The following INTS9 variants were observed in gnomAD, a reference collection of about 807,000 sequenced individuals.
INTS9 encodes the protein integrator complex subunit 9, also known as protein related to CPSF subunits of 74 kDa.
Under a neutral mutation model 79.7 loss-of-function variants are expected in INTS9, and 55 were observed. That is an observed-to-expected ratio of 0.69 (90% CI 0.56 to 0.86). The LOEUF is 0.86. Ranked by LOEUF, INTS9 falls within the 40% of genes least tolerant of loss-of-function variation. The probability of loss-of-function intolerance (pLI) is 0.00; values close to 1 mark genes in which losing one functional copy is unlikely to be tolerated. For synonymous variants in INTS9, 319 were observed against 325.2 expected (o/e 0.98, Z 0.20); for missense variants, 721 against 831.5 (o/e 0.87, Z 1.64).
intron 7 of INTS9, among the ~76,000 whole-genome samples, chr8:28,813,250 T>G (rs376619908): frequency 6.6e-5 from 10 of 152,266 alleles, no homozygotes; most frequent in Middle Eastern, 3.4e-3. Flanking sequence ...GTGAACAGGA[T>G]GAGACGCCTT....
chr8:28,889,955 C>A lies in INTS9; in HGVS notation c.-73G>T. On this transcript the variant is annotated 5_prime_UTR_variant, in exon 1 of 17. Coordinates refer to ENST00000521022, the MANE Select transcript of INTS9 (RefSeq NM_018250.4). The stretch of plus-strand genomic sequence containing the variant: ...AGGAAGCGTCTTCCGGTGCAATCTC[C>A]GCCACCTGCCAGCCGAGAGCATCGC... The A allele has an allele frequency of 8.0e-7, 1 of 1,248,990 alleles. No homozygotes were observed. Among genetic ancestry groups the A allele is most frequent in the South Asian group, 1.2e-5 (1 of 81,642 alleles). The allele number at this position is 1,248,990 out of a possible 1,614,324, so 77.4% of individuals were successfully genotyped here.
At chr8:28,859,654 C>T in intron 1 of INTS9, 91 bp from the exon 2 acceptor site, 1 of 1,378,948 alleles carries the variant, frequency 7.3e-7, no homozygotes, top group Non-Finnish European at 1.0e-6. Flanking sequence ...GATCTTCTCT[C>T]ATAAGACCAG....
chr8:28,788,607 C>T (rs986360885), intron 10 of INTS9, among the ~76,000 whole-genome samples: 4 of 152,038 alleles, frequency 2.6e-5, no homozygotes, highest in South Asian at 2.1e-4. Flanking sequence ...TTAGTAGAGA[C>T]GGGGTTTCAC....
intron 8 of INTS9, among the ~76,000 whole-genome samples, chr8:28,803,765 T>C (rs1804655367): frequency 6.6e-6 from 1 of 152,170 alleles, no homozygotes. Flanking sequence ...TCTCTGAGAT[T>C]TTTGTATTTT....
chr8:28,820,564 A>T (rs1020293121), intron 6 of INTS9, among the ~76,000 whole-genome samples: 1 of 152,190 alleles, frequency 6.6e-6, no homozygotes, highest in Non-Finnish European at 1.5e-5. Context: ...GCTGCCCTTA[A>T]CATTTTTTCC....
intron 8 of INTS9, among the ~76,000 whole-genome samples, chr8:28,803,420 G>A (rs1010830660): frequency 2.6e-5 from 4 of 152,196 alleles, no homozygotes; most frequent in Non-Finnish European, 4.4e-5. Context: ...TTGCCAATAC[G>A]TTTATGGGAT....
chr8:28,859,355 G>A, intron 2 of INTS9, 81 bp downstream of exon 2: 4 of 1,449,442 alleles, frequency 2.8e-6, no homozygotes, highest in East Asian at 2.3e-5. Flanking sequence ...AATATACTAG[G>A]TACTAGTAAC....
At chr8:28,885,862 C>T (rs966890441) in intron 1 of INTS9, among the ~76,000 whole-genome samples, 2 of 152,312 alleles carry the variant, frequency 1.3e-5, no homozygotes, top group South Asian at 4.1e-4. Context: ...AGATATATTT[C>T]TAATTTTCCT....
rs143100466 is a variant in INTS9, at chr8:28,827,968, G to C, written c.488+7324C>G. Among the ~76,000 whole-genome samples the C allele has an allele frequency of 1.7e-3, 263 of 152,192 alleles. 1 individual carries two copies. The highest frequency in any genetic ancestry group is 6.0e-3 in the African/African-American group (248 of 41,504). On this transcript the variant is annotated intron_variant, in intron 6 of 16. Transcript: ENST00000521022. ...AACATCCTGGGAGTCTGGTGAGCAT[G>C]AATCAGTCCCTCAGAGGCTAATCAA...
chr8:28,770,020 G>A lies in INTS9; in HGVS notation c.1669C>T (p.Pro557Ser). Residue 557 changes from proline to serine, a missense_variant, in exon 16 of 17, where the codon CCT becomes TCT. Pro to Ser is a moderately conservative substitution (Grantham distance 74, BLOSUM62 -1). Transcript: ENST00000521022. ...CCGCTCGTGGGCTGGGCGGGCCGAG[G>A]AGGGGGCTAGAGCAGAAGGAAAGAG... is the stretch of plus-strand genomic sequence containing the variant. ...KDNKHLLQPPPRPAQPTSGKK... is the reference protein window; with the variant it reads ...KDNKHLLQPPSRPAQPTSGKK... The A allele has an allele frequency of 1.2e-6, 2 of 1,613,822 alleles. No individual in the cohort carries two copies.
In INTS9 at chr8:28,837,752, C is replaced by A. The variant is rs1329107055; in HGVS notation, c.286G>T (p.Val96Leu). 8 of 1,613,714 alleles carry A rather than the reference C, an allele frequency of 5.0e-6. No homozygotes were observed. The highest frequency in any genetic ancestry group is 1.3e-5 in the African/African-American group (1 of 74,888). The stretch of plus-strand genomic sequence containing the variant: ...TAGTTAGAGATGAGAATCACATCTA[C>A]TGTAGACAGATCTATTAGCTCCGTC... The part of the protein sequence containing the change: ...PETELIDLST[V>L]DVILISNYHC... The change falls in exon 5 of 17, where the codon GTA becomes TTA. Residue 96 changes from valine to leucine, a missense_variant. Transcript: ENST00000521022.
At chr8:28,886,485 C>CATCT (rs1563322843) in intron 1 of INTS9, among the ~76,000 whole-genome samples, 1 of 152,134 alleles carries the variant, frequency 6.6e-6, no homozygotes, top group Non-Finnish European at 1.5e-5. Flanking sequence ...GATCTCAAGC[C>CATCT]ATCTGCCTGC....
At chr8:28,837,842 AACG>A (rs764793099) in intron 4 of INTS9, 66 bp from the exon 5 acceptor site, 5 of 1,473,874 alleles carry the variant, frequency 3.4e-6, no homozygotes, top group Non-Finnish European at 4.6e-6. Flanking sequence ...GTGACTAAAA[AACG>A]ACGTTGTCAG....
In INTS9 at chr8:28,883,500, T is replaced by C. The variant is rs1468272521; in HGVS notation, c.9+6374A>G. Among the ~76,000 whole-genome samples the C allele has an allele frequency of 4.6e-5, 7 of 152,340 alleles. No individual in the cohort carries two copies. The East Asian group carries it at 1.3e-3, about 29-fold the overall frequency. ...CATTGGCAAGGGTGGGGAAAATGCA[T>C]TCTCATATACTACCTGTACAATGGA... On this transcript the variant is annotated intron_variant, in intron 1 of 16. Coordinates refer to ENST00000521022, the MANE Select transcript of INTS9 (RefSeq NM_018250.4).
intron 11 of INTS9, among the ~76,000 whole-genome samples, 163 bp from the exon 12 acceptor site, chr8:28,781,157 G>C (rs1391989757): frequency 1.3e-5 from 2 of 152,134 alleles, no homozygotes; most frequent in African/African-American, 4.8e-5. Context: ...AGAGAGGACT[G>C]TGACCCAGAA....
At chr8:28,792,034 T>A (rs1218930028) in intron 10 of INTS9, among the ~76,000 whole-genome samples, 1 of 152,190 alleles carries the variant, frequency 6.6e-6, no homozygotes, top group Non-Finnish European at 1.5e-5. Flanking sequence ...AATGGAGAAA[T>A]GTACTTTACC....
At chr8:28,866,883 G>C (rs570051442) in intron 1 of INTS9, among the ~76,000 whole-genome samples, 1 of 152,118 alleles carries the variant, frequency 6.6e-6, no homozygotes, top group Non-Finnish European at 1.5e-5. Flanking sequence ...GCTGAGGCAG[G>C]AGACTGGTGT....
intron 6 of INTS9, among the ~76,000 whole-genome samples, chr8:28,814,070 T>TAA (rs771902608): frequency 6.3e-5 from 9 of 141,942 alleles, no homozygotes; most frequent in East Asian, 6.1e-4. Context: ...TTTCTTTTTT[T>TAA]AAAAAAAAAA....
chr8:28,786,062 T>C (rs1803568053), intron 11 of INTS9, among the ~76,000 whole-genome samples: 1 of 152,210 alleles, frequency 6.6e-6, no homozygotes, highest in African/African-American at 2.4e-5. Flanking sequence ...CAGATCAGTT[T>C]ATTGTGTTTT....
Sources: allele counts gnomAD v4.1 joint callset (sites outside exome capture counted in the v4.1 genomes callset), GRCh38; gene constraint gnomAD v4.1.1; transcripts MANE v1.5; gene names NCBI Gene and HGNC (gene_info 2026-07-23, HGNC 2026-07-21).